The following ASPH variants were observed in gnomAD, a reference collection of about 807,000 sequenced individuals.
ASPH encodes the protein aspartyl/asparaginyl beta-hydroxylase.
Under a neutral mutation model 118.4 loss-of-function variants are expected in ASPH, and 100 were observed. The observed-to-expected ratio is 0.84, with a 90% CI of 0.72 to 1.00. The LOEUF is 1.00. Among genes scored for constraint, ASPH ranks in the 50% least tolerant of loss-of-function variants. The pLI, the probability that ASPH is intolerant of heterozygous loss-of-function variation, is 0.00. For synonymous variants in ASPH, 315 were observed against 325.6 expected, an observed-to-expected ratio of 0.97 and a Z score of 0.35; for missense variants, 920 against 919.5, an observed-to-expected ratio of 1.00 and a Z score of -0.01.
Position 61,531,914 on chromosome 8 carries a change from A to G in ASPH, c.1765-5802T>C, listed in dbSNP as rs918835439. Among the ~76,000 whole-genome samples, 4 of 152,264 alleles carry G rather than the reference A, an allele frequency of 2.6e-5. No homozygotes were observed. In the East Asian group the frequency reaches 5.8e-4, roughly 22 times the overall value. ...GAATAATATCCCATTGTGTTTATATACTAAAGTTTTTCTTCATTTGCCTGT... is the reference window on the plus strand; with the variant it reads ...GAATAATATCCCATTGTGTTTATATGCTAAAGTTTTTCTTCATTTGCCTGT... On this transcript the variant is annotated intron_variant, in intron 21 of 24. Coordinates refer to ENST00000379454, the MANE Select transcript of ASPH (RefSeq NM_004318.4).
At chr8:61,669,507 CTTGA>C (rs1821349285) in intron 3 of ASPH, among the ~76,000 whole-genome samples, 1 of 152,136 alleles carries the variant, frequency 6.6e-6, no homozygotes, top group Non-Finnish European at 1.5e-5. Flanking sequence ...CCAGACAAAA[CTTGA>C]TTCTTTCCTA....
chr8:61,651,159 G>C (rs7016408), intron 4 of ASPH, 35 bp from the exon 5 acceptor site: 16 of 1,565,998 alleles, frequency 1.0e-5, no homozygotes, highest in Non-Finnish European at 1.1e-5. Flanking sequence ...AAGTAGAAAA[G>C]CTCAAACATC....
intron 1 of ASPH, among the ~76,000 whole-genome samples, chr8:61,696,670 A>AT (rs1833994902): frequency 6.6e-6 from 1 of 151,480 alleles, no homozygotes; most frequent in African/African-American, 2.4e-5. Context: ...AGAAAAAAAA[A>AT]AGCATTCCTC....
At chr8:61,708,266 C>T (rs1363616602) in intron 1 of ASPH, among the ~76,000 whole-genome samples, 1 of 152,060 alleles carries the variant, frequency 6.6e-6, no homozygotes, top group Non-Finnish European at 1.5e-5. Flanking sequence ...TAGCTCTCTG[C>T]CAAAAAGCAA....
Position 61,633,362 on chromosome 8 carries a change from T to C in ASPH, c.934+321A>G, listed in dbSNP as rs112207963. On this transcript the variant is annotated intron_variant, in intron 13 of 24. Transcript: ENST00000379454. Reference sequence around the variant, plus strand: ...TCCCAAGGCAATTCTGATTCCATATTCTCCATCAAATAGCCTGTCAATCAA... The same window carrying C: ...TCCCAAGGCAATTCTGATTCCATATCCTCCATCAAATAGCCTGTCAATCAA... The C allele has an allele frequency of 2.9e-4, 56 of 194,280 alleles. 1 individual carries two copies. Among genetic ancestry groups the C allele is most frequent in the African/African-American group, 7.2e-4 (31 of 42,870 alleles). The allele number at this position is 194,280 out of a possible 1,614,324, so 12.0% of individuals were successfully genotyped here.
At chr8:61,663,818 T>C (rs1226924560) in intron 3 of ASPH, 1 of 981,756 alleles carries the variant, frequency 1.0e-6, no homozygotes, top group Non-Finnish European at 1.2e-6. Context: ...TTCTGTCAAC[T>C]AAATGTCGTA....
At chr8:61,593,676 C>T (rs1405571548) in intron 14 of ASPH, among the ~76,000 whole-genome samples, 1 of 152,124 alleles carries the variant, frequency 6.6e-6, no homozygotes, top group Non-Finnish European at 1.5e-5. Flanking sequence ...ATAAATTATA[C>T]ATCACTCCCC....
intron 21 of ASPH, among the ~76,000 whole-genome samples, chr8:61,534,962 C>T (rs541765738): frequency 7.2e-5 from 11 of 152,350 alleles, no homozygotes; most frequent in African/African-American, 2.4e-4. Flanking sequence ...CCTGGGCTTA[C>T]AGAGGGCCAA....
chr8:61,661,491 C>T (rs1346982631), intron 3 of ASPH: 1 of 153,306 alleles, frequency 6.5e-6, no homozygotes, highest in African/African-American at 2.4e-5. Flanking sequence ...ATGGAATATT[C>T]TGAGCAATCG....
chr8:61,701,069 T>C (rs1052957581), intron 1 of ASPH, among the ~76,000 whole-genome samples: 31 of 152,186 alleles, frequency 2.0e-4, no homozygotes, highest in African/African-American at 7.5e-4. Context: ...GCCATTTCCA[T>C]TGCACCCCAT....
At chr8:61,510,319 G>T (rs954053570) in intron 24 of ASPH, among the ~76,000 whole-genome samples, 1 of 152,200 alleles carries the variant, frequency 6.6e-6, no homozygotes, top group Non-Finnish European at 1.5e-5. Flanking sequence ...CAAGTCATGA[G>T]ACTTCAATGT....
intron 21 of ASPH, among the ~76,000 whole-genome samples, chr8:61,543,402 CT>C (rs1169443634): frequency 1.6e-4 from 24 of 152,256 alleles, no homozygotes; most frequent in African/African-American, 5.5e-4. Context: ...TTGAGCCCCC[CT>C]AGTGAGTTTT....
At chr8:61,596,473 G>A (rs1842541941) in intron 14 of ASPH, among the ~76,000 whole-genome samples, 1 of 152,232 alleles carries the variant, frequency 6.6e-6, no homozygotes, top group Non-Finnish European at 1.5e-5. Context: ...CTGCTCTCCT[G>A]GACCCACTAC....
At chr8:61,504,832 T>C (rs1039120583) in intron 24 of ASPH, among the ~76,000 whole-genome samples, 5 of 152,134 alleles carry the variant, frequency 3.3e-5, no homozygotes, top group Non-Finnish European at 7.4e-5. Context: ...ACTGAATAAG[T>C]CTGATAATAA....
At chr8:61,604,048 A>T (rs1844879147) in intron 14 of ASPH, among the ~76,000 whole-genome samples, 1 of 152,246 alleles carries the variant, frequency 6.6e-6, no homozygotes, top group Non-Finnish European at 1.5e-5. Context: ...ATGGATAGTT[A>T]GGGCCAAGGC....
intron 1 of ASPH, among the ~76,000 whole-genome samples, chr8:61,695,776 T>C (rs896767284): frequency 1.3e-5 from 2 of 152,226 alleles, no homozygotes; most frequent in African/African-American, 4.8e-5. Flanking sequence ...CTCAATAAAA[T>C]AATCACTTGT....
intron 3 of ASPH, among the ~76,000 whole-genome samples, chr8:61,667,618 G>T (rs561779979): frequency 2.0e-5 from 3 of 152,142 alleles, no homozygotes; most frequent in Non-Finnish European, 4.4e-5. Flanking sequence ...ACCCGCCTCA[G>T]CTTCCCAAAG....
At chr8:61,691,928 C>G (rs952336029) in intron 1 of ASPH, among the ~76,000 whole-genome samples, 3 of 152,186 alleles carry the variant, frequency 2.0e-5, no homozygotes, top group Admixed American at 2.0e-4. Context: ...CTTCTCCTCT[C>G]TTTACTGGCC....
In ASPH at chr8:61,684,097, G is replaced by A. The variant is rs202006022; in HGVS notation, c.195C>T (p.Gly65=). ...FTWFMVIALL[G]VWTSVAVVWF... ...AAACGACAGCTACAGATGTCCAGACGCCCAGCAATGCAATCACCATAAACC... is the reference window on the plus strand; with the variant it reads ...AAACGACAGCTACAGATGTCCAGACACCCAGCAATGCAATCACCATAAACC... The change falls in exon 2 of 25, where the codon GGC becomes GGT. Residue 65 remains glycine (G), a synonymous_variant. Coordinates refer to ENST00000379454, the MANE Select transcript of ASPH (RefSeq NM_004318.4). The A allele has an allele frequency of 2.3e-5, 37 of 1,613,694 alleles. No homozygotes were observed. Among genetic ancestry groups the A allele is most frequent in the Admixed American group, 1.0e-4 (6 of 59,944 alleles).
Sources: allele counts gnomAD v4.1 joint callset (sites outside exome capture counted in the v4.1 genomes callset), GRCh38; gene constraint gnomAD v4.1.1; transcripts MANE v1.5; gene names NCBI Gene and HGNC (gene_info 2026-07-23, HGNC 2026-07-21).